SESN3: variants seen among roughly 807,000 people sequenced by gnomAD.
The protein encoded by SESN3 is sestrin 3.
In SESN3, 21 loss-of-function variants were observed where a neutral mutation model predicts 55.3. The observed-to-expected ratio is 0.38, with a 90% CI of 0.27 to 0.55. The LOEUF is 0.55. Among genes scored for constraint, SESN3 ranks in the 20% least tolerant of loss-of-function variants. The probability of loss-of-function intolerance (pLI) is 0.76; values close to 1 mark genes in which losing one functional copy is unlikely to be tolerated. For missense variants in SESN3, 408 were observed against 604.3 expected (o/e 0.68, Z 3.41); for synonymous variants, 181 against 203.1 (o/e 0.89, Z 0.93).
At position 95,189,945 on chromosome 11, in the gene SESN3, T is replaced by C; in HGVS notation, c.359A>G (p.Gln120Arg). 1 of 1,605,400 alleles carries C rather than the reference T, an allele frequency of 6.2e-7. No individual in the cohort carries two copies. Among genetic ancestry groups the C allele is most frequent in the Non-Finnish European group, 8.5e-7 (1 of 1,176,378 alleles). Residue 120 changes from glutamine to arginine, a missense_variant, in exon 4 of 10, where the codon CAG (glutamine) becomes CGG (arginine). Gln to Arg is a conservative substitution (Grantham distance 43, BLOSUM62 1). Transcript: ENST00000536441. ...YIAIMAAARH[Q>R]CSYLINMHVD... ...ATGCATGTTTATTAAGTAAGAACAC[T>C]GATGTCTAGCTGCAGCCTAAAGCAC...
Position 95,191,387 on chromosome 11 carries a change from G to A in SESN3, c.342+17C>T. Reference sequence around the variant, plus strand: ...GTGAGGAAGGTGTTATGTGAACATAGGAAAATAAGCACCCACCATTATTGC... The same window carrying A: ...GTGAGGAAGGTGTTATGTGAACATAAGAAAATAAGCACCCACCATTATTGC... On this transcript the variant is annotated intron_variant, in intron 3 of 9. Coordinates refer to ENST00000536441, the MANE Select transcript of SESN3 (RefSeq NM_144665.4). The A allele has an allele frequency of 1.9e-6, 3 of 1,588,164 alleles. No individual in the cohort carries two copies. The highest frequency in any genetic ancestry group is 2.6e-6 in the Non-Finnish European group (3 of 1,156,744).
At chr11:95,189,553 A>C (rs1860228508) in intron 4 of SESN3, among the ~76,000 whole-genome samples, 1 of 151,956 alleles carries the variant, frequency 6.6e-6, no homozygotes, top group African/African-American at 2.4e-5. Context: ...CTACTTAAAA[A>C]TAGAAACCAA....
chr11:95,186,194 C>CTGTGTGTGTGTGTGTGTGTGTGTGTG lies in SESN3; in HGVS notation c.526-728_526-703dup, dbSNP rs35466696. ...TCCCTTTCTCTCTCTCTATCTCTCA[C>CTGTGTGTGTGTGTGTGTGTGTGTGTG]TGTGTGTGTGTGTGTGTGTGTGTGT... On this transcript the variant is annotated intron_variant, in intron 4 of 9. Coordinates refer to ENST00000536441, the MANE Select transcript of SESN3 (RefSeq NM_144665.4). Among the ~76,000 whole-genome samples, 743 of 107,592 alleles carry CTGTGTGTGTGTGTGTGTGTGTGTGTG rather than the reference C, an allele frequency of 6.9e-3. 10 individuals are homozygous for CTGTGTGTGTGTGTGTGTGTGTGTGTG. The highest frequency in any genetic ancestry group is 9.0e-3 in the African/African-American group (253 of 28,118). 70.6% of individuals were successfully genotyped at this position (107,592 alleles called of 152,430 possible). A position where few individuals can be genotyped will look rare whatever the true frequency, so the allele number is the denominator to read the frequency against.
At position 95,230,696 on chromosome 11, in the gene SESN3, C is replaced by A. The variant is rs1039813076; in HGVS notation, c.78+87G>T. Reference sequence around the variant, plus strand: ...GTGCCCGGGGATCCCTCTCAGCCTCCCCCAGTGCGCGCCCGGGGACGAGCC... The same window carrying A: ...GTGCCCGGGGATCCCTCTCAGCCTCACCCAGTGCGCGCCCGGGGACGAGCC... On this transcript the variant is annotated intron_variant, in intron 1 of 9. Transcript: ENST00000536441. The surrounding 1 kb of genome is among the most constrained non-coding windows in gnomAD (Gnocchi z 4.6). 3.2e-6 allele frequency: 3 copies of A among 951,684 alleles called. No homozygotes were observed. Among genetic ancestry groups the A allele is most frequent in the Admixed American group, 2.1e-5 (1 of 47,170 alleles). The allele number at this position is 951,684 out of a possible 1,614,324, so 59.0% of individuals were successfully genotyped here.
At chr11:95,220,077 ACT>A (rs1860831130) in intron 1 of SESN3, among the ~76,000 whole-genome samples, 1 of 152,108 alleles carries the variant, frequency 6.6e-6, no homozygotes, top group African/African-American at 2.4e-5. Context: ...AAGACTGGAA[ACT>A]CTTCCAGAGA....
chr11:95,207,863 T>C (rs931311645), intron 1 of SESN3, among the ~76,000 whole-genome samples: 6 of 151,160 alleles, frequency 4.0e-5, no homozygotes, highest in Non-Finnish European at 7.4e-5. Context: ...TTGTAGAGAC[T>C]GGGTTTCATC....
chr11:95,218,066 G>C (rs1174593817), intron 1 of SESN3, among the ~76,000 whole-genome samples: 1 of 152,206 alleles, frequency 6.6e-6, no homozygotes, highest in Non-Finnish European at 1.5e-5. Context: ...TCTGGAGTAA[G>C]TGTAGGTTCA....
At chr11:95,226,286 C>A (rs1425577640) in intron 1 of SESN3, among the ~76,000 whole-genome samples, 1 of 152,186 alleles carries the variant, frequency 6.6e-6, no homozygotes, top group African/African-American at 2.4e-5. Flanking sequence ...ATACAGCAAT[C>A]TGTAAGGCAA....
At chr11:95,204,029 G>A (rs190002037) in intron 1 of SESN3, 216 of 152,544 alleles carry the variant, frequency 1.4e-3, no homozygotes, top group Non-Finnish European at 2.6e-3. Flanking sequence ...AAAAAGTTAG[G>A]AGGCACTGCA....
At chr11:95,210,995 G>A (rs11021077) in intron 1 of SESN3, among the ~76,000 whole-genome samples, 5 of 152,164 alleles carry the variant, frequency 3.3e-5, no homozygotes, top group Non-Finnish European at 5.9e-5. Context: ...GAAAAATTCA[G>A]AGAAAAAGAT....
At position 95,189,942 on chromosome 11, in the gene SESN3, C is replaced by T; in HGVS notation, c.362G>A (p.Cys121Tyr). 1.2e-6 allele frequency: 2 copies of T among 1,606,896 alleles called. No homozygotes were observed. The highest frequency in any genetic ancestry group is 1.7e-6 in the Non-Finnish European group (2 of 1,176,900). ...CACATGCATGTTTATTAAGTAAGAA[C>T]ACTGATGTCTAGCTGCAGCCTAAAG... is the stretch of plus-strand genomic sequence containing the variant. The part of the protein sequence containing the change: ...IAIMAAARHQ[C>Y]SYLINMHVDE... The change falls in exon 4 of 10, where the codon TGT (cysteine) becomes TAT (tyrosine). Residue 121 changes from cysteine (C) to tyrosine (Y), a missense_variant. By Grantham distance (194) the Cys-to-Tyr change is radical (BLOSUM62 -2). This residue lies in a region of SESN3 where 107 missense variants were observed against 211.3 expected (regional missense o/e 0.51). Coordinates refer to ENST00000536441, the MANE Select transcript of SESN3 (RefSeq NM_144665.4).
At chr11:95,213,338 A>G (rs968299148) in intron 1 of SESN3, among the ~76,000 whole-genome samples, 2 of 152,338 alleles carry the variant, frequency 1.3e-5, no homozygotes, top group African/African-American at 4.8e-5. Context: ...AGCTGATTCA[A>G]TTGAAAATGA....
At chr11:95,198,775 A>G (rs1008665445) in intron 1 of SESN3, among the ~76,000 whole-genome samples, 1 of 152,178 alleles carries the variant, frequency 6.6e-6, no homozygotes, top group African/African-American at 2.4e-5. Flanking sequence ...GCTAGTGGAT[A>G]CCATTCAGGA....
chr11:95,196,277 C>T (rs1198934853), intron 1 of SESN3, among the ~76,000 whole-genome samples: 1 of 152,102 alleles, frequency 6.6e-6, no homozygotes, highest in Non-Finnish European at 1.5e-5. Context: ...CAGTTGGCTG[C>T]TCTGTCTATT....
chr11:95,199,098 C>T (rs1489025554), intron 1 of SESN3, among the ~76,000 whole-genome samples: 1 of 151,872 alleles, frequency 6.6e-6, no homozygotes, highest in African/African-American at 2.4e-5. Flanking sequence ...AAGAAATTAT[C>T]TAAAATGTTG....
chr11:95,211,202 G>A (rs769330253), intron 1 of SESN3, among the ~76,000 whole-genome samples: 86 of 152,312 alleles, frequency 5.6e-4, no homozygotes, highest in Non-Finnish European at 7.9e-4. Flanking sequence ...TAGAAAGCCT[G>A]TCTCTCACTG....
chr11:95,191,308 T>C, intron 3 of SESN3, 96 bp downstream of exon 3: 1 of 915,524 alleles, frequency 1.1e-6, no homozygotes, highest in East Asian at 2.4e-5. Context: ...AAATTATACT[T>C]AGCTCTATAC....
intron 1 of SESN3, among the ~76,000 whole-genome samples, chr11:95,224,752 G>A (rs955580055): frequency 2.6e-5 from 4 of 152,124 alleles, no homozygotes; most frequent in African/African-American, 9.7e-5. Flanking sequence ...GCAGCAAATA[G>A]TGTCAATTAG....
At position 95,184,491 on chromosome 11, in the gene SESN3, C is replaced by T. The variant is rs746291519; in HGVS notation, c.866G>A (p.Arg289His). ...EEASQEEMST[R>H]FEKEKKESLF... ...ACTTTCTTTCTTCTCCTTTTCAAAA[C>T]GAGTGCTCATTTCTTCTTGAGACGC... The change falls in exon 6 of 10, where the codon CGT becomes CAT. Residue 289 changes from arginine (R) to histidine (H), a missense_variant. Arg to His is a conservative substitution (Grantham distance 29). Coordinates refer to ENST00000536441, the MANE Select transcript of SESN3 (RefSeq NM_144665.4). 9.3e-6 allele frequency: 15 copies of T among 1,613,458 alleles called. No homozygotes were observed. The highest frequency in any genetic ancestry group is 5.5e-5 in the South Asian group (5 of 91,074).
Sources: allele counts gnomAD v4.1 joint callset (sites outside exome capture counted in the v4.1 genomes callset), GRCh38; gene constraint gnomAD v4.1.1; regional missense constraint gnomAD v4.1.1; non-coding constraint Gnocchi (gnomAD v3.1); transcripts MANE v1.5; gene names NCBI Gene and HGNC (gene_info 2026-07-23, HGNC 2026-07-21).